Variants in CDH18 observed in about 807,000 individuals in gnomAD.
CDH18 encodes the protein cadherin-18.
CDH18 carries 31 observed loss-of-function variants against 67.9 expected under a neutral mutation model. The ratio of observed to expected loss-of-function variants is 0.46; its 90% CI spans 0.34 to 0.62. CDH18 has a LOEUF of 0.62. Ranked by LOEUF, CDH18 falls within the 20% of genes least tolerant of loss-of-function variation. The pLI is 0.01. For missense variants in CDH18, 890 were observed against 975.5 expected (o/e 0.91, Z 1.17); for synonymous variants, 362 against 347.2 (o/e 1.04, Z -0.48).
intron 2 of CDH18, among the ~76,000 whole-genome samples, chr5:20,127,768 C>A (rs77263530): frequency 1.3e-5 from 2 of 152,104 alleles, no homozygotes; most frequent in African/African-American, 2.4e-5. Context: ...ATCTGTTGTA[C>A]AGCACTGTGC....
At chr5:19,650,010 C>G (rs866781405) in intron 5 of CDH18, among the ~76,000 whole-genome samples, 1 of 151,834 alleles carries the variant, frequency 6.6e-6, no homozygotes, top group African/African-American at 2.4e-5. Flanking sequence ...ACTTATGGCT[C>G]AAATTTTAAA....
At chr5:20,009,819 G>A (rs960340191) in intron 2 of CDH18, among the ~76,000 whole-genome samples, 2 of 151,966 alleles carry the variant, frequency 1.3e-5, no homozygotes, top group African/African-American at 4.8e-5. Context: ...GCCAGTATTT[G>A]CTTCTTGTTC....
At chr5:19,960,648 C>T (rs1362258798) in intron 2 of CDH18, among the ~76,000 whole-genome samples, 7 of 107,354 alleles carry the variant, frequency 6.5e-5, no homozygotes, top group African/African-American at 3.7e-4. Context: ...TACATATACA[C>T]GTGTATATAT....
At chr5:20,278,902 A>G (rs2126689808) in intron 1 of CDH18, among the ~76,000 whole-genome samples, 1 of 152,272 alleles carries the variant, frequency 6.6e-6, no homozygotes, top group South Asian at 2.1e-4. Context: ...AAAAAATAAC[A>G]TGTAAGAAAT....
intron 11 of CDH18, among the ~76,000 whole-genome samples, chr5:19,488,288 A>C (rs1740726607): frequency 6.6e-6 from 1 of 152,168 alleles, no homozygotes. Context: ...GTTTTTTGAA[A>C]CTGAAATTAT....
At chr5:19,535,226 A>C (rs1749231495) in intron 9 of CDH18, among the ~76,000 whole-genome samples, 1 of 152,214 alleles carries the variant, frequency 6.6e-6, no homozygotes, top group African/African-American at 2.4e-5. Flanking sequence ...ATATATGTAT[A>C]CACAATATTC....
chr5:20,050,824 A>C (rs1741355390), intron 2 of CDH18, among the ~76,000 whole-genome samples: 1 of 151,862 alleles, frequency 6.6e-6, no homozygotes, highest in South Asian at 2.1e-4. Flanking sequence ...TAACCTATGA[A>C]TGTCAGGACA....
intron 2 of CDH18, among the ~76,000 whole-genome samples, chr5:19,859,288 A>G (rs1035092096): frequency 6.6e-6 from 1 of 152,146 alleles, no homozygotes; most frequent in African/African-American, 2.4e-5. Flanking sequence ...AGAGATCTTA[A>G]GACTGACAAA....
At chr5:20,524,325 A>G (rs1755916885) in intron 1 of CDH18, among the ~76,000 whole-genome samples, 1 of 152,200 alleles carries the variant, frequency 6.6e-6, no homozygotes, top group African/African-American at 2.4e-5. Context: ...GACAATAACC[A>G]TTTCTACTAA....
intron 8 of CDH18, among the ~76,000 whole-genome samples, chr5:19,564,083 T>C (rs1423134725): frequency 6.6e-6 from 1 of 152,240 alleles, no homozygotes; most frequent in Non-Finnish European, 1.5e-5. Context: ...ACCTGAGTTC[T>C]GGCTAGCCCC....
intron 1 of CDH18, among the ~76,000 whole-genome samples, chr5:20,394,775 T>A (rs1745147808): frequency 6.6e-6 from 1 of 151,872 alleles, no homozygotes; most frequent in Non-Finnish European, 1.5e-5. Flanking sequence ...GGGCAAATGA[T>A]ATGAATAGAA....
chr5:19,709,759 G>T (rs564045579), intron 5 of CDH18, among the ~76,000 whole-genome samples: 16 of 152,026 alleles, frequency 1.1e-4, no homozygotes, highest in African/African-American at 3.6e-4. Flanking sequence ...CCAAAATGTT[G>T]GGAGAGTTAG....
intron 1 of CDH18, among the ~76,000 whole-genome samples, chr5:20,357,228 A>C (rs1156983149): frequency 6.6e-6 from 1 of 152,132 alleles, no homozygotes; most frequent in Non-Finnish European, 1.5e-5. Flanking sequence ...GGCGAAAAGA[A>C]ACATGATTAA....
At chr5:19,917,210 A>G (rs1791905947) in intron 2 of CDH18, among the ~76,000 whole-genome samples, 1 of 152,180 alleles carries the variant, frequency 6.6e-6, no homozygotes, top group Non-Finnish European at 1.5e-5. Context: ...TTTTTAAAAA[A>G]GGAAAACTTT....
At chr5:20,463,720 C>G (rs1051300961) in intron 1 of CDH18, among the ~76,000 whole-genome samples, 3 of 152,048 alleles carry the variant, frequency 2.0e-5, no homozygotes, top group Admixed American at 2.0e-4. Context: ...ACAGCCAAAC[C>G]GTTAATACGG....
At chr5:19,748,130 A>AAAAAAAAAAAAAAAAAAAAAAAT (rs1561215759) in intron 3 of CDH18, among the ~76,000 whole-genome samples, 1 of 144,894 alleles carries the variant, frequency 6.9e-6, no homozygotes, top group Non-Finnish European at 1.5e-5. Context: ...AAAAAAAAAA[A>AAAAAAAAAAAAAAAAAAAAAAAT]AAAGAGTACT....
chr5:19,804,310 A>T (rs938094207), intron 3 of CDH18, among the ~76,000 whole-genome samples: 24 of 149,874 alleles, frequency 1.6e-4, no homozygotes, highest in South Asian at 6.3e-4. Context: ...TCAAAAAAAA[A>T]AAAATAAATA....
At chr5:20,551,394 G>C (rs1365442886) in intron 1 of CDH18, among the ~76,000 whole-genome samples, 2 of 152,102 alleles carry the variant, frequency 1.3e-5, no homozygotes, top group East Asian at 3.9e-4. Flanking sequence ...GAAGTGTCTT[G>C]CTTCCCAACA....
intron 5 of CDH18, among the ~76,000 whole-genome samples, chr5:19,649,370 C>T (rs1755244157): frequency 6.6e-6 from 1 of 152,070 alleles, no homozygotes; most frequent in African/African-American, 2.4e-5. Flanking sequence ...CAGCTTCAGT[C>T]CAGTCTCTAT....
Sources: allele counts gnomAD v4.1 joint callset (sites outside exome capture counted in the v4.1 genomes callset), GRCh38; gene constraint gnomAD v4.1.1; transcripts MANE v1.5; gene names NCBI Gene and HGNC (gene_info 2026-07-23, HGNC 2026-07-21).